The following ZNF302 variants were observed in gnomAD, a reference collection of about 807,000 sequenced individuals.
The protein encoded by ZNF302 is zinc finger protein 302, also known as zinc finger protein 327.
A neutral mutation model predicts 10.8 loss-of-function variants in ZNF302; 12 were observed. That is an observed-to-expected ratio of 1.11 (90% CI 0.71 to 1.79). The LOEUF (loss-of-function observed/expected upper bound fraction) is 1.79, where lower values mean the gene tolerates loss of function less well. ZNF302 is among the 40% of genes most tolerant of loss of function. ZNF302 has a pLI of 0.00. For missense variants in ZNF302, 461 were observed against 471.1 expected, an observed-to-expected ratio of 0.98 and a Z score of 0.20; for synonymous variants, 178 against 157.5, an observed-to-expected ratio of 1.13 and a Z score of -0.98.
chr19:34,679,338 C>T (rs1175968221), intron 2 of ZNF302, among the ~76,000 whole-genome samples: 16 of 152,200 alleles, frequency 1.1e-4, no homozygotes, highest in Admixed American at 1.0e-3. Context: ...TGCCCTTAAC[C>T]CTCATCAGTC....
intron 2 of ZNF302, chr19:34,679,852 G>A (rs1247181842): frequency 2.8e-6 from 2 of 702,912 alleles, no homozygotes; most frequent in Non-Finnish European, 5.2e-6. Context: ...GTGTTACCTG[G>A]CACCAAATGG....
chr19:34,685,504 T>C lies in ZNF302; in HGVS notation c.*267T>C. On this transcript the variant is annotated 3_prime_UTR_variant, in exon 5 of 5. Transcript: ENST00000505242. ...ATAAATGTAGTGAGTGTGGGAAAGC[T>C]TTTAGCAAAGGCTCGAATCTTACTG... The C allele has an allele frequency of 6.3e-7, 1 of 1,576,656 alleles. No individual in the cohort carries two copies. The highest frequency in any genetic ancestry group is 8.7e-7 in the Non-Finnish European group (1 of 1,146,852).
At chr19:34,683,012 T>C in intron 3 of ZNF302, 115 bp downstream of exon 3, 2 of 1,569,800 alleles carry the variant, frequency 1.3e-6, no homozygotes, top group Admixed American at 1.8e-5. Flanking sequence ...CCCGAGGAAA[T>C]GTGCAGCTCT....
At position 34,678,758 on chromosome 19, in the gene ZNF302, A is replaced by G; in HGVS notation, c.-47A>G. ...TCAGGACACTGCCCATCTCTAAGAT[A>G]AGAACCTGGAAAGGGGACTCTGTTG... is the stretch of plus-strand genomic sequence containing the variant. On this transcript the variant is annotated 5_prime_UTR_variant, in exon 2 of 5. It adds an upstream start codon to the 5' untranslated region. Transcript: ENST00000505242. The G allele has an allele frequency of 6.2e-7, 1 of 1,613,194 alleles. No homozygotes were observed. Among genetic ancestry groups the G allele is most frequent in the South Asian group, 1.1e-5 (1 of 91,072 alleles).
chr19:34,680,138 A>T (rs1217364401), intron 2 of ZNF302, among the ~76,000 whole-genome samples: 1 of 152,210 alleles, frequency 6.6e-6, no homozygotes, highest in Non-Finnish European at 1.5e-5. Context: ...TGATTATGTC[A>T]CTGCACTCCA....
At chr19:34,681,910 T>A (rs2068368855) in intron 2 of ZNF302, 1 of 152,220 alleles carries the variant, frequency 6.6e-6, no homozygotes, top group Non-Finnish European at 1.5e-5. Flanking sequence ...TCTTTTTTGT[T>A]TATGAATCAG....
chr19:34,677,529 C>G (rs2290656), upstream of ZNF302: 1 of 152,224 alleles, frequency 6.6e-6, no homozygotes, highest in African/African-American at 2.4e-5. Flanking sequence ...AAGCCGTGAC[C>G]GGTTTGCCCG....
upstream of ZNF302, chr19:34,677,666 G>T (rs1286730898): frequency 2.0e-5 from 3 of 152,480 alleles, no homozygotes; most frequent in Non-Finnish European, 4.4e-5. Context: ...TTCGCCGTGG[G>T]CGGTGCACTG....
rs368494709 is a variant in ZNF302 at position 34,684,924 on chromosome 19, G to A, written c.887G>A (p.Arg296His). The A allele has an allele frequency of 1.8e-5, 29 of 1,613,838 alleles. No homozygotes were observed. In the African/African-American group the frequency reaches 2.4e-4, roughly 13 times the overall value. ...ECMNCGKSFS[R>H]VSLLIQHLRI... is the part of the protein sequence containing the mutation. ...ATGAACTGTGGAAAGTCTTTTAGTC[G>A]TGTGTCCCTTCTCATTCAGCATCTA... The change falls in exon 5 of 5, where the codon CGT (arginine) becomes CAT (histidine). Residue 296 changes from arginine to histidine, a missense_variant. Transcript: ENST00000505242.
chr19:34,685,656 ACTT>A lies in ZNF302; in HGVS notation c.*421_*423del. The A allele has an allele frequency of 1.2e-6, 1 of 814,532 alleles. No homozygotes were observed. The highest frequency in any genetic ancestry group is 2.2e-5 in the Admixed American group (1 of 44,534). 50.5% of individuals were successfully genotyped at this position (814,532 alleles called of 1,614,324 possible). On this transcript the variant is annotated 3_prime_UTR_variant, in exon 5 of 5. Coordinates refer to ENST00000505242, the MANE Select transcript of ZNF302 (RefSeq NM_001289187.2). The stretch of plus-strand genomic sequence containing the variant: ...AGAGAAGCAGTGTTTATCACGGTAA[ACTT>A]CATTCATAGATCCTCCCTTATTTAA...
chr19:34,684,984 G>A lies in ZNF302; in HGVS notation c.947G>A (p.Arg316His), dbSNP rs767107732. 36 of 1,613,850 alleles carry A rather than the reference G, an allele frequency of 2.2e-5. No homozygotes were observed. The Admixed American group carries it at 2.7e-4, about 12-fold the overall frequency. Reference protein sequence around the residue: ...IHTQEKRYECRICGKAFIHSS... With the variant: ...IHTQEKRYECHICGKAFIHSS... ...ACGCAAGAAAAACGCTATGAGTGTC[G>A]TATATGTGGAAAGGCCTTCATTCAT... Residue 316 changes from arginine to histidine, a missense_variant, in exon 5 of 5, where the codon CGT becomes CAT. Arg to His is a conservative substitution (Grantham distance 29, BLOSUM62 0). Coordinates refer to ENST00000505242, the MANE Select transcript of ZNF302 (RefSeq NM_001289187.2).
chr19:34,683,275 G>C (rs1288844553), intron 4 of ZNF302, 37 bp downstream of exon 4: 2 of 1,612,226 alleles, frequency 1.2e-6, no homozygotes, highest in Non-Finnish European at 1.7e-6. Flanking sequence ...ACGAGACAAA[G>C]GAAGATTTTG....
At chr19:34,680,019 A>G in intron 2 of ZNF302, 1 of 682,314 alleles carries the variant, frequency 1.5e-6, no homozygotes, top group Non-Finnish European at 2.7e-6. Context: ...TAAGATAATT[A>G]GAATTGAAAA....
At chr19:34,683,341 C>G (rs1390031818) in intron 4 of ZNF302, 103 bp downstream of exon 4, 2 of 1,341,864 alleles carry the variant, frequency 1.5e-6, no homozygotes, top group East Asian at 4.6e-5. Context: ...CTTCAAAGAT[C>G]TCAGATAGAA....
At chr19:34,684,072 G>A in intron 4 of ZNF302, 180 bp from the exon 5 acceptor site, 5 of 1,525,610 alleles carry the variant, frequency 3.3e-6, no homozygotes, top group Non-Finnish European at 4.4e-6. Context: ...TTGTTCAGAA[G>A]TCACTGAAAT....
rs749899434 is a variant in ZNF302, at chr19:34,684,958, T to C, written c.921T>C (p.His307=). ...TTCTCATTCAGCATCTAAGAATTCA[T>C]ACGCAAGAAAAACGCTATGAGTGTC... ...VSLLIQHLRI[H]TQEKRYECRI... The change falls in exon 5 of 5, where the codon CAT becomes CAC. Residue 307 remains histidine (H), a synonymous_variant. Coordinates refer to ENST00000505242, the MANE Select transcript of ZNF302 (RefSeq NM_001289187.2). 13 of 1,613,910 alleles carry C rather than the reference T, an allele frequency of 8.1e-6. No individual in the cohort carries two copies. In the Admixed American group the frequency reaches 2.2e-4, roughly 27 times the overall value.
At chr19:34,676,562 A>C (rs979690029), upstream of ZNF302, 1 of 152,050 alleles carries the variant, frequency 6.6e-6, no homozygotes, top group East Asian at 1.9e-4. Flanking sequence ...TGGAGTACCC[A>C]TTGTTTCTTT....
In ZNF302 at chr19:34,685,328, G is replaced by C; in HGVS notation, c.*91G>C. On this transcript the variant is annotated 3_prime_UTR_variant, in exon 5 of 5. Transcript: ENST00000505242. ...GAAACCCTACGAATGCAGTATATGT[G>C]GGAAAGCCTTTAGTCATAGGTCGTC... 1 of 1,613,958 alleles carries C rather than the reference G, an allele frequency of 6.2e-7. No homozygotes were observed. The highest frequency in any genetic ancestry group is 1.1e-5 in the South Asian group (1 of 91,078).
chr19:34,685,786 G>T lies in ZNF302; in HGVS notation c.*549G>T, dbSNP rs558964909. 1 of 469,248 alleles carries T rather than the reference G, an allele frequency of 2.1e-6. No individual in the cohort carries two copies. Among genetic ancestry groups the T allele is most frequent in the Non-Finnish European group, 3.8e-6 (1 of 260,830 alleles). 29.1% of individuals were successfully genotyped at this position (469,248 alleles called of 1,614,324 possible). ...TTTTTATTAGAGTTTATACTGTAGA[G>T]AAATCATATGAAGTCAATAAATGTG... On this transcript the variant is annotated 3_prime_UTR_variant, in exon 5 of 5. Transcript: ENST00000505242.
Sources: allele counts gnomAD v4.1 joint callset (sites outside exome capture counted in the v4.1 genomes callset), GRCh38; gene constraint gnomAD v4.1.1; transcripts MANE v1.5; gene names NCBI Gene and HGNC (gene_info 2026-07-23, HGNC 2026-07-21).